The following LIMD1 variants were observed in gnomAD, a reference collection of about 807,000 sequenced individuals.
The protein encoded by LIMD1 is LIM domain-containing protein 1.
In LIMD1, 23 loss-of-function variants were observed where a neutral mutation model predicts 58.4. That is an observed-to-expected ratio of 0.39 (90% confidence interval 0.28 to 0.56). LIMD1 has a LOEUF of 0.56. Ranked by LOEUF, LIMD1 falls within the 20% of genes least tolerant of loss-of-function variation. The probability of loss-of-function intolerance (pLI) is 0.57; values close to 1 mark genes in which losing one functional copy is unlikely to be tolerated. For synonymous variants in LIMD1, 334 were observed against 345.5 expected, an observed-to-expected ratio of 0.97 and a Z score of 0.37; for missense variants, 838 against 855.5, an observed-to-expected ratio of 0.98 and a Z score of 0.25.
intron 1 of LIMD1, among the ~76,000 whole-genome samples, chr3:45,635,452 G>T (rs998621610): frequency 1.3e-5 from 2 of 152,068 alleles, no homozygotes; most frequent in Non-Finnish European, 2.9e-5. Context: ...GACTTGTTAG[G>T]GGGTGAGGAG....
At chr3:45,629,479 A>G (rs1701705542) in intron 1 of LIMD1, among the ~76,000 whole-genome samples, 1 of 151,828 alleles carries the variant, frequency 6.6e-6, no homozygotes, top group Admixed American at 6.6e-5. Flanking sequence ...CAGGGAAGAG[A>G]AGTGCTGGGT....
rs982613903 is a variant in LIMD1 at position 45,661,673 on chromosome 3, T to C, written c.1511-3977T>C. ...ATCCCTTGCAGAGTGTGAACAAGTATCTGTTTGTCTGTGTCATTACTAACA... is the reference window on the plus strand; with the variant it reads ...ATCCCTTGCAGAGTGTGAACAAGTACCTGTTTGTCTGTGTCATTACTAACA... On this transcript the variant is annotated intron_variant, in intron 2 of 7. Transcript: ENST00000273317. Among the ~76,000 whole-genome samples, 5 of 152,252 alleles carry C rather than the reference T, an allele frequency of 3.3e-5. No individual in the cohort carries two copies. The South Asian group carries it at 8.3e-4, about 25-fold the overall frequency.
chr3:45,597,357 C>A (rs959628582), intron 1 of LIMD1, among the ~76,000 whole-genome samples: 5 of 152,200 alleles, frequency 3.3e-5, no homozygotes, highest in African/African-American at 4.8e-5. Flanking sequence ...CCAGCCTACA[C>A]CCAGGTAACA....
chr3:45,605,763 G>A (rs1383365674), intron 1 of LIMD1, among the ~76,000 whole-genome samples: 3 of 152,238 alleles, frequency 2.0e-5, no homozygotes, highest in Non-Finnish European at 2.9e-5. Context: ...CATCCTTAGT[G>A]CAGGGGGCAG....
At position 45,660,196 on chromosome 3, in the gene LIMD1, G is replaced by C. The variant is rs139968787; in HGVS notation, c.1511-5454G>C. Among the ~76,000 whole-genome samples the C allele has an allele frequency of 2.3e-3, 352 of 152,196 alleles. 1 individual carries two copies. Among genetic ancestry groups the C allele is most frequent in the African/African-American group, 8.0e-3 (331 of 41,538 alleles). On this transcript the variant is annotated intron_variant, in intron 2 of 7. Coordinates refer to ENST00000273317, the MANE Select transcript of LIMD1 (RefSeq NM_014240.3). ...CTCTGGAAGTCCTGCGCCGTTTCCT[G>C]GTGGCCTCCTAGCTCCCTCTAGGGG...
At chr3:45,616,740 AT>A (rs1413231009) in intron 1 of LIMD1, among the ~76,000 whole-genome samples, 1 of 151,250 alleles carries the variant, frequency 6.6e-6, no homozygotes, top group East Asian at 1.9e-4. Context: ...CTTACATTAG[AT>A]TTGATATGAG....
chr3:45,660,972 A>G (rs1697429943), intron 2 of LIMD1, among the ~76,000 whole-genome samples: 1 of 152,150 alleles, frequency 6.6e-6, no homozygotes, highest in Non-Finnish European at 1.5e-5. Flanking sequence ...CTGTAGGTAG[A>G]CATTCTTGGT....
At chr3:45,669,120 C>T (rs1187707920) in intron 4 of LIMD1, among the ~76,000 whole-genome samples, 1 of 152,230 alleles carries the variant, frequency 6.6e-6, no homozygotes, top group Non-Finnish European at 1.5e-5. Flanking sequence ...GACAGCAGAG[C>T]AAGGACCAGG....
rs748626119 is a variant in LIMD1, at chr3:45,595,556, C to T, written c.677C>T (p.Pro226Leu). The T allele has an allele frequency of 1.2e-5, 20 of 1,613,988 alleles. No homozygotes were observed. In the East Asian group the frequency reaches 3.8e-4, roughly 31 times the overall value. ...CTGCCCAAACCCTGCGGGGACCATC[C>T]CCTAAATCACCGACAGCTCTCCCTG... is the stretch of plus-strand genomic sequence containing the variant. ...PPLPKPCGDH[P>L]LNHRQLSLSS... Residue 226 changes from proline (P) to leucine (L), a missense_variant, in exon 1 of 8, where the codon CCC (proline) becomes CTC (leucine). This residue lies in a region of LIMD1 where 659 missense variants were observed against 639.8 expected (regional missense o/e 1.03). Transcript: ENST00000273317.
At chr3:45,661,892 G>A (rs1026790242) in intron 2 of LIMD1, among the ~76,000 whole-genome samples, 2 of 152,086 alleles carry the variant, frequency 1.3e-5, no homozygotes, top group Non-Finnish European at 2.9e-5. Flanking sequence ...TAAGTAGCTG[G>A]GACTACAGGC....
Position 45,594,805 on chromosome 3 carries a change from A to ACACACAC in LIMD1, c.-74_-68dup. ...CACACACACACACACACACACACAC[A>ACACACAC]CACACACACACACACACACACACAC... On this transcript the variant is annotated 5_prime_UTR_variant, in exon 1 of 8. Transcript: ENST00000273317. 6.6e-6 allele frequency: 3 copies of ACACACAC among 451,336 alleles called. No individual in the cohort carries two copies. In the South Asian group the frequency reaches 8.5e-5, roughly 13 times the overall value. The allele number at this position is 451,336 out of a possible 1,614,324, so 28.0% of individuals were successfully genotyped here. A position where few individuals can be genotyped will look rare whatever the true frequency, so the allele number is the denominator to read the frequency against.
intron 1 of LIMD1, among the ~76,000 whole-genome samples, chr3:45,632,863 C>T (rs1379782018): frequency 1.3e-5 from 2 of 152,148 alleles, no homozygotes; most frequent in South Asian, 2.1e-4. Flanking sequence ...TAGCAGCAGC[C>T]GCGACACCAC....
intron 2 of LIMD1, among the ~76,000 whole-genome samples, chr3:45,655,014 G>C (rs1017972950): frequency 1.3e-5 from 2 of 150,980 alleles, no homozygotes; most frequent in Non-Finnish European, 2.9e-5. Flanking sequence ...CTGCCACCCG[G>C]GTTCAAGTGA....
intron 1 of LIMD1, among the ~76,000 whole-genome samples, chr3:45,630,729 A>G (rs913463486): frequency 2.0e-5 from 3 of 151,944 alleles, no homozygotes; most frequent in Admixed American, 2.0e-4. Context: ...GTTGGGGGGC[A>G]TGTGTGGCAG....
chr3:45,666,259 T>C (rs1461642970), intron 3 of LIMD1, among the ~76,000 whole-genome samples: 1 of 152,132 alleles, frequency 6.6e-6, no homozygotes, highest in Non-Finnish European at 1.5e-5. Context: ...GCCTCCTAGG[T>C]TTGTCCTCAA....
At chr3:45,647,108 AC>A (rs1233754210) in intron 2 of LIMD1, among the ~76,000 whole-genome samples, 1 of 152,222 alleles carries the variant, frequency 6.6e-6, no homozygotes, top group Non-Finnish European at 1.5e-5. Flanking sequence ...ATAATTCAAT[AC>A]CAAAAAGAAC....
rs143347873 is a variant in LIMD1 at position 45,648,356 on chromosome 3, T to C, written c.1510+12105T>C. ...AAATCATACAATATATGATCTTCTG[T>C]GTCTGGCTTTTTTCACTTAGCGTGC... On this transcript the variant is annotated intron_variant, in intron 2 of 7. Transcript: ENST00000273317. Among the ~76,000 whole-genome samples, 111 of 152,360 alleles carry C rather than the reference T, an allele frequency of 7.3e-4. 1 individual carries two copies. Among genetic ancestry groups the C allele is most frequent in the Middle Eastern group, 6.8e-3 (2 of 294 alleles).
chr3:45,620,399 T>C (rs1041813086), intron 1 of LIMD1, among the ~76,000 whole-genome samples: 1 of 152,230 alleles, frequency 6.6e-6, no homozygotes, highest in African/African-American at 2.4e-5. Flanking sequence ...GGAAAACTTT[T>C]GTACAGAGGA....
At chr3:45,631,033 G>A (rs1341038236) in intron 1 of LIMD1, among the ~76,000 whole-genome samples, 16 of 151,962 alleles carry the variant, frequency 1.1e-4, no homozygotes, top group East Asian at 1.9e-4. Context: ...GAGAAACCCC[G>A]TCTCTACTAA....
Sources: gnomAD v4.1 joint callset for allele counts (sites outside exome capture counted in the v4.1 genomes callset) on GRCh38, gnomAD v4.1.1 for gene constraint, gnomAD v4.1.1 regional missense constraint, MANE v1.5 for transcripts, NCBI Gene and HGNC (gene_info 2026-07-23, HGNC 2026-07-21) for gene names.